Variants in RFX8 observed in about 807,000 individuals in gnomAD.
The protein encoded by RFX8 is regulatory factor X8.
A neutral mutation model predicts 54.6 loss-of-function variants in RFX8; 46 were observed. The ratio of observed to expected loss-of-function variants is 0.84; its 90% confidence interval spans 0.67 to 1.08. RFX8 has a LOEUF of 1.08. Ranked by LOEUF, RFX8 falls within the 50% of genes least tolerant of loss-of-function variation. The probability of loss-of-function intolerance (pLI) is 0.00; values close to 1 mark genes in which losing one functional copy is unlikely to be tolerated. For missense variants in RFX8, 536 were observed against 562.3 expected (o/e 0.95, Z 0.47); for synonymous variants, 192 against 209.5 (o/e 0.92, Z 0.72).
chr2:101,400,772 C>T (rs1323587547), intron 11 of RFX8, among the ~76,000 whole-genome samples: 2 of 152,176 alleles, frequency 1.3e-5, no homozygotes, highest in African/African-American at 4.8e-5. Flanking sequence ...CACTGCAGCC[C>T]AGCATGAATG....
At chr2:101,450,454 C>A in intron 2 of RFX8, 1 of 543,732 alleles carries the variant, frequency 1.8e-6, no homozygotes, top group Non-Finnish European at 3.3e-6. Flanking sequence ...AACTACTGAA[C>A]TCAACTCAAG....
intron 1 of RFX8, among the ~76,000 whole-genome samples, chr2:101,467,579 G>T (rs955358460): frequency 6.6e-6 from 1 of 152,220 alleles, no homozygotes; most frequent in Non-Finnish European, 1.5e-5. Context: ...AGCACAGAGC[G>T]AATGCAGCAG....
chr2:101,419,059 T>G, intron 4 of RFX8, 95 bp from the exon 5 acceptor site: 2 of 654,214 alleles, frequency 3.1e-6, no homozygotes, highest in South Asian at 1.9e-5. Flanking sequence ...CAGATGACAA[T>G]GGGATGAATT....
chr2:101,420,934 C>T (rs927987756), intron 4 of RFX8, among the ~76,000 whole-genome samples: 6 of 152,088 alleles, frequency 3.9e-5, no homozygotes, highest in African/African-American at 9.7e-5. Flanking sequence ...GTAACGGTGT[C>T]GGTCACAGGG....
chr2:101,400,697 T>C (rs948002885), intron 11 of RFX8, among the ~76,000 whole-genome samples: 1 of 152,216 alleles, frequency 6.6e-6, no homozygotes, highest in Admixed American at 6.5e-5. Context: ...CAAGTTGTCA[T>C]GCTACACTCC....
At chr2:101,425,782 C>T (rs1191828099) in intron 2 of RFX8, among the ~76,000 whole-genome samples, 7 of 151,982 alleles carry the variant, frequency 4.6e-5, no homozygotes, top group African/African-American at 1.5e-4. Context: ...AATCAGAAAC[C>T]TAAAGTAAAA....
At chr2:101,450,514 C>T (rs1688616432) in intron 2 of RFX8, 1 of 684,938 alleles carries the variant, frequency 1.5e-6, no homozygotes, top group South Asian at 1.8e-5. Context: ...AGGCGTGAGC[C>T]ACCACACTTG....
At chr2:101,446,410 G>T (rs567178072) in intron 2 of RFX8, among the ~76,000 whole-genome samples, 1 of 130,602 alleles carries the variant, frequency 7.7e-6, no homozygotes, top group South Asian at 2.5e-4. Context: ...TCCTGACCTC[G>T]TGATCCACTC....
At chr2:101,461,246 G>C (rs1689257306) in intron 2 of RFX8, among the ~76,000 whole-genome samples, 1 of 115,784 alleles carries the variant, frequency 8.6e-6, no homozygotes. Flanking sequence ...CCGGGCGACA[G>C]AGTGAGACTC....
intron 2 of RFX8, among the ~76,000 whole-genome samples, chr2:101,431,860 G>A (rs1185463806): frequency 6.6e-6 from 1 of 152,052 alleles, no homozygotes; most frequent in Non-Finnish European, 1.5e-5. Context: ...GAAGGGACGT[G>A]CCTGCCATCA....
At chr2:101,426,475 T>A (rs1369440634) in intron 2 of RFX8, among the ~76,000 whole-genome samples, 1 of 152,186 alleles carries the variant, frequency 6.6e-6, no homozygotes, top group Non-Finnish European at 1.5e-5. Context: ...GCTGTGATCG[T>A]GCCACTGCTC....
At chr2:101,469,079 A>ATT (rs1558896740) in intron 1 of RFX8, among the ~76,000 whole-genome samples, 1 of 11,090 alleles carries the variant, frequency 9.0e-5, no homozygotes, top group Non-Finnish European at 2.5e-4. Flanking sequence ...TATATATATA[A>ATT]GTGTATATAT....
chr2:101,409,837 C>T lies in RFX8; in HGVS notation c.813+782G>A, dbSNP rs115747890. On this transcript the variant is annotated intron_variant, in intron 9 of 11. Transcript: ENST00000428343. Reference sequence around the variant, plus strand: ...TTAACCTGCAGCCCCTAGCTCTCCCCACCTGCCCTGAGCCCATGGAGTGAA... The same window carrying T: ...TTAACCTGCAGCCCCTAGCTCTCCCTACCTGCCCTGAGCCCATGGAGTGAA... 3.9e-3 allele frequency among the ~76,000 whole-genome samples: 597 copies of T among 152,170 alleles called. 5 individuals carry two copies. The highest frequency in any genetic ancestry group is 0.014 in the African/African-American group (568 of 41,504).
At position 101,413,079 on chromosome 2, in the gene RFX8, T is replaced by C. The variant is rs1210593645; in HGVS notation, c.562-8A>G. 5.2e-6 allele frequency: 8 copies of C among 1,549,944 alleles called. No homozygotes were observed. Among genetic ancestry groups the C allele is most frequent in the Admixed American group, 2.0e-5 (1 of 50,506 alleles). On this transcript the variant is annotated splice_polypyrimidine_tract_variant and splice_region_variant and intron_variant, in intron 7 of 11. Transcript: ENST00000428343. ...CAATACCATTCGCATAGTCTAAAGATAACAGGGAGGCATAATACTTAATTC... is the reference window on the plus strand; with the variant it reads ...CAATACCATTCGCATAGTCTAAAGACAACAGGGAGGCATAATACTTAATTC...
rs1040320935 is a variant in RFX8 at position 101,421,364 on chromosome 2, C to T, written c.237+360G>A. On this transcript the variant is annotated intron_variant, in intron 4 of 11. Transcript: ENST00000428343. ...AGTCCTGCTCCATCTTCAGTTAGCG[C>T]GTATCAATCAAATGGCTCTTCGGCA... 7.0e-5 allele frequency: 70 copies of T among 1,005,386 alleles called. No homozygotes were observed. In the Admixed American group the frequency reaches 1.5e-3, roughly 21 times the overall value. The allele number at this position is 1,005,386 out of a possible 1,614,324, so 62.3% of individuals were successfully genotyped here. A position where few individuals can be genotyped will look rare whatever the true frequency, so the allele number is the denominator to read the frequency against.
intron 2 of RFX8, chr2:101,434,706 A>G (rs1297143231): frequency 6.8e-6 from 1 of 146,982 alleles, no homozygotes; most frequent in Non-Finnish European, 1.5e-5. Flanking sequence ...TTCTCCACAC[A>G]TGTATTTTAA....
At chr2:101,422,969 A>G (rs1663315403) in intron 2 of RFX8, among the ~76,000 whole-genome samples, 1 of 152,154 alleles carries the variant, frequency 6.6e-6, no homozygotes, top group Admixed American at 6.5e-5. Flanking sequence ...AGAAGAACCA[A>G]TTACAGGCCC....
rs531816547 is a variant in RFX8, at chr2:101,422,249, G to T, written c.183+113C>A. On this transcript the variant is annotated intron_variant, in intron 3 of 11. Transcript: ENST00000428343. ...GCTGGTCCTCACGGGTCCAGCAAAG[G>T]CAAACATTATTCCATGTGACACAAT... is the stretch of plus-strand genomic sequence containing the variant. The T allele has an allele frequency of 9.3e-5, 61 of 657,560 alleles. No individual in the cohort carries two copies. The African/African-American group carries it at 1.1e-3, about 11-fold the overall frequency. The allele number at this position is 657,560 out of a possible 1,614,324, so 40.7% of individuals were successfully genotyped here.
rs1228006450 is a variant in RFX8, at chr2:101,437,114, T to G, written c.73-14642A>C. ...TTATTATTTTTAATTGAAATTCTTATGAAGATAATTGTAGATTTACATGCA... is the reference window on the plus strand; with the variant it reads ...TTATTATTTTTAATTGAAATTCTTAGGAAGATAATTGTAGATTTACATGCA... On this transcript the variant is annotated intron_variant, in intron 2 of 11. Transcript: ENST00000428343. Among the ~76,000 whole-genome samples the G allele has an allele frequency of 3.0e-4, 45 of 152,176 alleles. 2 individuals are homozygous for G. The highest frequency in any genetic ancestry group is 2.9e-3 in the Admixed American group (45 of 15,280).
Sources: allele counts gnomAD v4.1 joint callset (sites outside exome capture counted in the v4.1 genomes callset), GRCh38; gene constraint gnomAD v4.1.1; transcripts MANE v1.5; gene names NCBI Gene and HGNC (gene_info 2026-07-23, HGNC 2026-07-21).